LIPA: variants seen among roughly 807,000 people sequenced by gnomAD.
LIPA encodes the protein lysosomal acid lipase/cholesteryl ester hydrolase.
Under a neutral mutation model 40.6 loss-of-function variants are expected in LIPA, and 26 were observed. That is an observed-to-expected ratio of 0.64 (90% CI 0.47 to 0.89). LIPA has a LOEUF of 0.89. Ranked by LOEUF, LIPA falls within the 40% of genes least tolerant of loss-of-function variation. The pLI is 0.00. For synonymous variants in LIPA, 188 were observed against 168.4 expected, an observed-to-expected ratio of 1.12 and a Z score of -0.90; for missense variants, 455 against 479.6, an observed-to-expected ratio of 0.95 and a Z score of 0.48.
At chr10:89,293,679 T>TGAGAGAGAGAGAGAGAGAGAGAGAGAGA (rs72229492) in intron 1 of LIPA, 1 of 145,106 alleles carries the variant, frequency 6.9e-6, no homozygotes, top group African/African-American at 2.6e-5. Context: ...CTGTGTGAGA[T>TGAGAGAGAGAGAGAGAGAGAGAGAGAGA]GAGAGAGAGA....
intron 1 of LIPA, among the ~76,000 whole-genome samples, chr10:89,282,011 T>C (rs781551754): frequency 6.6e-6 from 1 of 152,196 alleles, no homozygotes; most frequent in Non-Finnish European, 1.5e-5. Flanking sequence ...GGGTCTACAC[T>C]GTTGCTGTTG....
chr10:89,215,505 G>A (rs1310409585), intron 9 of LIPA, among the ~76,000 whole-genome samples: 1 of 152,204 alleles, frequency 6.6e-6, no homozygotes, highest in East Asian at 1.9e-4. Context: ...TCACAGAGAT[G>A]CTCTGGGAAT....
At chr10:89,287,066 G>T (rs1843344805) in intron 1 of LIPA, among the ~76,000 whole-genome samples, 1 of 152,190 alleles carries the variant, frequency 6.6e-6, no homozygotes, top group Non-Finnish European at 1.5e-5. Flanking sequence ...CTGAAAATCA[G>T]ACTGTCCAGC....
rs78486827 is a variant in LIPA at position 89,397,703 on chromosome 10, C to T, written c.61+15088G>A. On this transcript the variant is annotated intron_variant, in intron 2 of 8. Coordinates refer to the LIPA transcript ENST00000371837. The stretch of plus-strand genomic sequence containing the variant: ...AGCATTTTTTTTCATATTTATTGGC[C>T]ATTTATATTGGCTTTTCTACAAATT... Among the ~76,000 whole-genome samples the T allele has an allele frequency of 1.0e-2, 1,520 of 152,054 alleles. 24 individuals carry two copies. The highest frequency in any genetic ancestry group is 0.035 in the African/African-American group (1,437 of 41,494).
chr10:89,391,771 G>A (rs1046286734), intron 2 of LIPA, among the ~76,000 whole-genome samples: 6 of 152,020 alleles, frequency 3.9e-5, no homozygotes, highest in South Asian at 4.2e-4. Flanking sequence ...CTTGTCATCC[G>A]CCCACCTTGG....
At chr10:89,219,871 C>G (rs938827466) in intron 8 of LIPA, among the ~76,000 whole-genome samples, 1 of 152,244 alleles carries the variant, frequency 6.6e-6, no homozygotes, top group African/African-American at 2.4e-5. Flanking sequence ...CTGCCTTGTA[C>G]AGCAAATCTG....
intron 1 of LIPA, among the ~76,000 whole-genome samples, chr10:89,263,347 G>A (rs1041906188): frequency 6.6e-6 from 1 of 152,210 alleles, no homozygotes; most frequent in Non-Finnish European, 1.5e-5. Context: ...CTTACTAAGT[G>A]CTCCATTTTG....
chr10:89,258,887 G>A (rs1843193775), intron 1 of LIPA, among the ~76,000 whole-genome samples: 1 of 152,148 alleles, frequency 6.6e-6, no homozygotes, highest in East Asian at 1.9e-4. Flanking sequence ...TAAAAATGAA[G>A]CACTGATACT....
chr10:89,214,027 T>C lies in LIPA; in HGVS notation c.*801A>G, dbSNP rs1053097328. The C allele has an allele frequency of 6.6e-6, 1 of 152,194 alleles. No individual in the cohort carries two copies. The highest frequency in any genetic ancestry group is 1.5e-5 in the Non-Finnish European group (1 of 68,040). The allele number at this position is 152,194 out of a possible 1,614,324, so 9.4% of individuals were successfully genotyped here. A position where few individuals can be genotyped will look rare whatever the true frequency, so the allele number is the denominator to read the frequency against. ...ATTAATCTCAGAAAAAATAGTGGTA[T>C]AGTCTCCACAGGGATTTGCTTCTCA... On this transcript the variant is annotated 3_prime_UTR_variant, in exon 10 of 10. Coordinates refer to ENST00000336233, the MANE Select transcript of LIPA (RefSeq NM_000235.4).
chr10:89,250,964 G>A (rs564291498), intron 1 of LIPA, among the ~76,000 whole-genome samples: 1 of 152,264 alleles, frequency 6.6e-6, no homozygotes, highest in South Asian at 2.1e-4. Context: ...TGTACCCCCA[G>A]GACCAAGCAA....
Position 89,226,997 on chromosome 10 carries a change from C to T in LIPA, c.436G>A (p.Glu146Lys). ...QDEFWAFSYD[E>K]MAKYDLPASI... is the part of the protein sequence containing the mutation. ...GCTGGTAGGTCATATTTTGCCATCT[C>T]ATCATAACTGTAATCCAAGAAAGGA... The change falls in exon 5 of 10, where the codon GAG (glutamate) becomes AAG (lysine). Residue 146 changes from glutamate to lysine, a missense_variant. Coordinates refer to ENST00000336233, the MANE Select transcript of LIPA (RefSeq NM_000235.4). 6.3e-7 allele frequency: 1 copy of T among 1,593,876 alleles called. No homozygotes were observed. The highest frequency in any genetic ancestry group is 8.6e-7 in the Non-Finnish European group (1 of 1,161,606).
In LIPA at chr10:89,245,811, G is replaced by T; in HGVS notation, c.112-18C>A. ...ATTTCACTCTGTAGAGAAAAAGGAC[G>T]ATGGAAATTGGGTGGACAGAATCTG... On this transcript the variant is annotated intron_variant, in intron 2 of 9. Transcript: ENST00000336233. The T allele has an allele frequency of 8.0e-7, 1 of 1,253,606 alleles. No individual in the cohort carries two copies. Among genetic ancestry groups the T allele is most frequent in the Non-Finnish European group, 1.2e-6 (1 of 850,886 alleles). 77.7% of individuals were successfully genotyped at this position (1,253,606 alleles called of 1,614,324 possible).
intron 1 of LIPA, among the ~76,000 whole-genome samples, chr10:89,300,993 A>T (rs1255475168): frequency 1.3e-5 from 2 of 152,224 alleles, no homozygotes; most frequent in African/African-American, 4.8e-5. Context: ...ACTTTGGTTA[A>T]CGATTTTAGT....
chr10:89,250,669 A>G (rs1264158192), intron 1 of LIPA, among the ~76,000 whole-genome samples: 1 of 152,244 alleles, frequency 6.6e-6, no homozygotes, highest in Admixed American at 6.5e-5. Flanking sequence ...GTTTTCCTAC[A>G]GAACCTGTAT....
chr10:89,260,771 C>T (rs1029276158), intron 1 of LIPA, among the ~76,000 whole-genome samples: 1 of 152,154 alleles, frequency 6.6e-6, no homozygotes, highest in Non-Finnish European at 1.5e-5. Context: ...TGCTCTGCCT[C>T]CCAAAGGGAG....
intron 1 of LIPA, among the ~76,000 whole-genome samples, chr10:89,337,425 G>C (rs1843760044): frequency 6.6e-6 from 1 of 151,836 alleles, no homozygotes; most frequent in Admixed American, 6.6e-5. Flanking sequence ...TTTGAGGCAG[G>C]GTCCCACTCT....
chr10:89,389,278 T>C (rs1394003593), intron 2 of LIPA, among the ~76,000 whole-genome samples: 1 of 152,252 alleles, frequency 6.6e-6, no homozygotes, highest in East Asian at 1.9e-4. Context: ...GATTGATCGA[T>C]TCAGTCAAGC....
At chr10:89,307,276 G>A in intron 1 of LIPA, 3 of 1,614,016 alleles carry the variant, frequency 1.9e-6, no homozygotes, top group Admixed American at 1.7e-5. Flanking sequence ...CATTCCTTCA[G>A]GAGCTGAATG....
chr10:89,412,707 C>A, intron 2 of LIPA: 1 of 430,988 alleles, frequency 2.3e-6, no homozygotes, highest in South Asian at 1.6e-5. Flanking sequence ...CGAACAACTC[C>A]GGACGCGCCA....
Sources: allele counts gnomAD v4.1 joint callset (sites outside exome capture counted in the v4.1 genomes callset), GRCh38; gene constraint gnomAD v4.1.1; transcripts MANE v1.5; gene names NCBI Gene and HGNC (gene_info 2026-07-23, HGNC 2026-07-21).